NAALADL2: variants seen among roughly 807,000 people sequenced by gnomAD.
NAALADL2 encodes inactive N-acetylated-alpha-linked acidic dipeptidase-like protein 2.
In NAALADL2, 76 loss-of-function variants were observed where a neutral mutation model predicts 87.2. That is an observed-to-expected ratio of 0.87 (90% CI 0.72 to 1.05). NAALADL2 has a LOEUF of 1.05. NAALADL2 is among the 50% of genes least tolerant of loss of function. NAALADL2 has a pLI of 0.00. For missense variants in NAALADL2, 1,089 were observed against 945.8 expected (o/e 1.15, Z -1.99); for synonymous variants, 354 against 331.0 (o/e 1.07, Z -0.75).
Position 175,127,875 on chromosome 3 carries a change from T to G in NAALADL2, c.545+30584T>G, listed in dbSNP as rs554064621. ...CTCTACATAAATAAATGAATAAATA[T>G]TATGAAAGACACGTGATATAAAAAT... On this transcript the variant is annotated intron_variant, in intron 2 of 13. Transcript: ENST00000454872. 1.8e-3 allele frequency among the ~76,000 whole-genome samples: 279 copies of G among 152,150 alleles called. 5 individuals carry two copies. The highest frequency in any genetic ancestry group is 6.5e-4 in the Non-Finnish European group (44 of 68,006).
chr3:175,690,979 G>A (rs976424484), intron 11 of NAALADL2, among the ~76,000 whole-genome samples: 14 of 151,528 alleles, frequency 9.2e-5, no homozygotes, highest in African/African-American at 3.4e-4. Flanking sequence ...TTTTGAAAAG[G>A]TCTATTATTG....
At chr3:174,723,512 T>C (rs1731885959) in intron 2 of NAALADL2, among the ~76,000 whole-genome samples, 1 of 151,884 alleles carries the variant, frequency 6.6e-6, no homozygotes. Context: ...TCCCAGCACT[T>C]TGGGATGCCG....
At chr3:175,103,465 A>G (rs1722580190) in intron 2 of NAALADL2, among the ~76,000 whole-genome samples, 1 of 152,146 alleles carries the variant, frequency 6.6e-6, no homozygotes, top group Non-Finnish European at 1.5e-5. Flanking sequence ...TAATGACATT[A>G]AACTAAAGGA....
intron 11 of NAALADL2, among the ~76,000 whole-genome samples, chr3:175,730,542 T>G (rs1337176653): frequency 1.3e-5 from 2 of 148,324 alleles, no homozygotes; most frequent in Non-Finnish European, 3.0e-5. Context: ...AGGGTGATAT[T>G]TATATTCTTA....
At chr3:175,390,024 A>G (rs2149016142) in intron 5 of NAALADL2, among the ~76,000 whole-genome samples, 1 of 152,314 alleles carries the variant, frequency 6.6e-6, no homozygotes, top group South Asian at 2.1e-4. Context: ...GGGAATAAGG[A>G]ATAAGATTTA....
intron 10 of NAALADL2, among the ~76,000 whole-genome samples, chr3:175,597,615 T>A (rs1722416603): frequency 1.3e-5 from 2 of 152,026 alleles, no homozygotes; most frequent in African/African-American, 4.8e-5. Context: ...TTGTCCCAAG[T>A]AATTCTTTGT....
At chr3:175,168,405 T>A (rs1293209012) in intron 2 of NAALADL2, among the ~76,000 whole-genome samples, 2 of 151,812 alleles carry the variant, frequency 1.3e-5, no homozygotes, top group African/African-American at 4.8e-5. Context: ...TTTTCTGGCA[T>A]GTTAGCATGA....
At chr3:174,457,386 A>G (rs766062997) in intron 1 of NAALADL2, among the ~76,000 whole-genome samples, 2 of 152,202 alleles carry the variant, frequency 1.3e-5, no homozygotes, top group Non-Finnish European at 2.9e-5. Context: ...TCATTCTATA[A>G]TAAAGACACA....
At chr3:174,891,472 G>A (rs950261299) in intron 1 of NAALADL2, among the ~76,000 whole-genome samples, 1 of 152,058 alleles carries the variant, frequency 6.6e-6, no homozygotes, top group Non-Finnish European at 1.5e-5. Context: ...GCAGCATGGT[G>A]CAGAGAGCCT....
At chr3:175,138,443 C>A (rs1395796892) in intron 2 of NAALADL2, among the ~76,000 whole-genome samples, 1 of 151,942 alleles carries the variant, frequency 6.6e-6, no homozygotes, top group Non-Finnish European at 1.5e-5. Context: ...AACACCCCAA[C>A]AGGGTTTGGG....
chr3:175,766,261 T>G (rs1748665748), intron 13 of NAALADL2, among the ~76,000 whole-genome samples: 1 of 152,126 alleles, frequency 6.6e-6, no homozygotes, highest in African/African-American at 2.4e-5. Flanking sequence ...ATTTAAAAAG[T>G]AGGCATATTT....
At position 174,939,467 on chromosome 3, in the gene NAALADL2, T is replaced by C. The variant is rs140247867; in HGVS notation, c.43+80017T>C. On this transcript the variant is annotated intron_variant, in intron 1 of 13. Coordinates refer to ENST00000454872, the MANE Select transcript of NAALADL2 (RefSeq NM_207015.3). ...ATGCCTTCAGTTTTTTCTTTTTACG[T>C]AACATTACCTTGGCATTTGGACTAT... is the stretch of plus-strand genomic sequence containing the variant. 3.1e-3 allele frequency among the ~76,000 whole-genome samples: 473 copies of C among 152,188 alleles called. 1 individual carries two copies. The highest frequency in any genetic ancestry group is 0.011 in the African/African-American group (437 of 41,586).
chr3:174,651,256 G>A (rs1197058874), intron 2 of NAALADL2, among the ~76,000 whole-genome samples: 2 of 152,120 alleles, frequency 1.3e-5, no homozygotes, highest in Non-Finnish European at 2.9e-5. Flanking sequence ...CAACACAATT[G>A]CTGCTTAATG....
intron 5 of NAALADL2, among the ~76,000 whole-genome samples, chr3:175,415,954 TAAAAAAAAA>T (rs58764853): frequency 7.5e-6 from 1 of 133,598 alleles, no homozygotes; most frequent in Non-Finnish European, 1.6e-5. Flanking sequence ...TGTCTCTATT[TAAAAAAAAA>T]AAAAAAAAAA....
chr3:174,503,558 C>T (rs1479126126), intron 1 of NAALADL2, among the ~76,000 whole-genome samples: 13 of 151,878 alleles, frequency 8.6e-5, no homozygotes, highest in Admixed American at 8.5e-4. Flanking sequence ...TATGGCTTTT[C>T]AAAAATAATT....
chr3:175,440,559 T>C (rs1215624706), intron 5 of NAALADL2, among the ~76,000 whole-genome samples: 1 of 152,194 alleles, frequency 6.6e-6, no homozygotes, highest in Non-Finnish European at 1.5e-5. Context: ...GATGATTTCT[T>C]TCAGTAGTGT....
intron 11 of NAALADL2, among the ~76,000 whole-genome samples, chr3:175,712,018 A>G (rs1013937677): frequency 6.6e-6 from 1 of 151,960 alleles, no homozygotes; most frequent in African/African-American, 2.4e-5. Context: ...TTCTTTAAGG[A>G]GAAGCATATG....
chr3:175,073,979 T>C (rs2109174486), intron 1 of NAALADL2, among the ~76,000 whole-genome samples: 1 of 152,180 alleles, frequency 6.6e-6, no homozygotes, highest in South Asian at 2.1e-4. Flanking sequence ...TCTCACACAC[T>C]GTATACATGA....
At chr3:175,745,412 T>C (rs1199488381) in intron 12 of NAALADL2, among the ~76,000 whole-genome samples, 1 of 152,150 alleles carries the variant, frequency 6.6e-6, no homozygotes, top group Non-Finnish European at 1.5e-5. Flanking sequence ...CCATGGAGAA[T>C]TGGTTCCAGG....
Sources: allele counts gnomAD v4.1 joint callset (sites outside exome capture counted in the v4.1 genomes callset), GRCh38; gene constraint gnomAD v4.1.1; transcripts MANE v1.5; gene names NCBI Gene and HGNC (gene_info 2026-07-23, HGNC 2026-07-21).